Variants in RBFOX3 observed in about 807,000 individuals in gnomAD.
The protein encoded by RBFOX3 is RNA binding fox-1 homolog 3.
Under a neutral mutation model 48.7 loss-of-function variants are expected in RBFOX3, and 17 were observed. That is an observed-to-expected ratio of 0.35 (90% CI 0.24 to 0.52). The LOEUF (loss-of-function observed/expected upper bound fraction) is 0.52. Among genes scored for constraint, RBFOX3 ranks in the 20% least tolerant of loss-of-function variants. The pLI is 0.94. For missense variants in RBFOX3, 382 were observed against 497.5 expected (o/e 0.77, Z 2.21); for synonymous variants, 212 against 209.5 (o/e 1.01, Z -0.10).
chr17:79,463,013 A>G (rs546024005), intron 2 of RBFOX3, among the ~76,000 whole-genome samples: 1 of 144,934 alleles, frequency 6.9e-6, no homozygotes, highest in Non-Finnish European at 1.6e-5. Context: ...CTCCACCACC[A>G]TTGCCACTGA....
At chr17:79,209,550 G>A (rs1350596688) in intron 4 of RBFOX3, among the ~76,000 whole-genome samples, 1 of 152,192 alleles carries the variant, frequency 6.6e-6, no homozygotes, top group African/African-American at 2.4e-5. Context: ...TCTAGGCAGT[G>A]AGCACCTCTG....
At chr17:79,219,336 G>A (rs905600078) in intron 4 of RBFOX3, among the ~76,000 whole-genome samples, 47 of 152,364 alleles carry the variant, frequency 3.1e-4, no homozygotes, top group African/African-American at 1.1e-3. Context: ...CCACTTCTGC[G>A]CAAGCCTAGA....
At chr17:79,521,258 TCACAGACACACG>T (rs1223861324) in intron 1 of RBFOX3, among the ~76,000 whole-genome samples, 13 of 135,690 alleles carry the variant, frequency 9.6e-5, no homozygotes, top group Non-Finnish European at 1.6e-4. Context: ...ACACACACAC[TCACAGACACACG>T]CACAGACACA....
chr17:79,339,565 C>A (rs1447319766), intron 2 of RBFOX3, among the ~76,000 whole-genome samples: 1 of 152,136 alleles, frequency 6.6e-6, no homozygotes, highest in Non-Finnish European at 1.5e-5. Flanking sequence ...ACTGCTGGGC[C>A]CCATTCCCAG....
intron 5 of RBFOX3, among the ~76,000 whole-genome samples, chr17:79,109,789 C>A (rs949058506): frequency 1.1e-4 from 16 of 152,280 alleles, no homozygotes; most frequent in African/African-American, 3.4e-4. Context: ...TGGGAACCAG[C>A]CCCGCGCCCA....
chr17:79,365,721 A>G (rs572872812), intron 2 of RBFOX3, among the ~76,000 whole-genome samples: 1 of 152,368 alleles, frequency 6.6e-6, no homozygotes, highest in East Asian at 1.9e-4. Flanking sequence ...TAGATTAAAT[A>G]GTTTTACCCC....
intron 4 of RBFOX3, among the ~76,000 whole-genome samples, chr17:79,147,998 C>T (rs998230703): frequency 2.0e-5 from 3 of 152,190 alleles, no homozygotes; most frequent in East Asian, 3.9e-4. Context: ...CATCCAGAGC[C>T]GCCGCTGCCG....
At chr17:79,597,363 C>T (rs1411440881) in intron 1 of RBFOX3, among the ~76,000 whole-genome samples, 1 of 152,178 alleles carries the variant, frequency 6.6e-6, no homozygotes, top group African/African-American at 2.4e-5. Flanking sequence ...AGACACAGTC[C>T]TCCTACAGAC....
intron 1 of RBFOX3, among the ~76,000 whole-genome samples, chr17:79,595,252 C>T (rs1023001705): frequency 1.3e-5 from 2 of 152,098 alleles, no homozygotes; most frequent in Non-Finnish European, 2.9e-5. Flanking sequence ...CACGCAGACA[C>T]GCAGCTCCCT....
chr17:79,094,156 G>A (rs1246943387), intron 14 of RBFOX3: 7 of 403,576 alleles, frequency 1.7e-5, no homozygotes, highest in Non-Finnish European at 2.2e-5. Flanking sequence ...GGGCCTCAAC[G>A]GGACTTTATT....
intron 4 of RBFOX3, among the ~76,000 whole-genome samples, chr17:79,217,016 A>G (rs963165954): frequency 1.1e-4 from 17 of 152,168 alleles, no homozygotes; most frequent in African/African-American, 4.1e-4. Flanking sequence ...ATACCCCCAA[A>G]GCAGGCAGGG....
At chr17:79,291,936 C>T (rs537700477) in intron 3 of RBFOX3, among the ~76,000 whole-genome samples, 16 of 152,238 alleles carry the variant, frequency 1.1e-4, no homozygotes, top group South Asian at 4.2e-4. Context: ...AATTTCACAA[C>T]GCCCAAGTCT....
chr17:79,230,480 C>T (rs574650912), intron 4 of RBFOX3, among the ~76,000 whole-genome samples: 3,956 of 151,778 alleles, frequency 0.026, 175 homozygotes, highest in African/African-American at 0.091. Flanking sequence ...AGGCTGGTCT[C>T]GATCTGCTGA....
intron 4 of RBFOX3, among the ~76,000 whole-genome samples, chr17:79,211,643 A>T (rs1299278936): frequency 6.6e-6 from 1 of 152,130 alleles, no homozygotes; most frequent in African/African-American, 2.4e-5. Flanking sequence ...GGCTGGACAG[A>T]CAGGGAGGCA....
intron 4 of RBFOX3, among the ~76,000 whole-genome samples, chr17:79,122,199 C>CGGTT (rs1386801081): frequency 6.6e-6 from 1 of 152,198 alleles, no homozygotes; most frequent in African/African-American, 2.4e-5. Context: ...CGCCCTGAAC[C>CGGTT]GCCCACTGCT....
the RBFOX3 span, among the ~76,000 whole-genome samples, chr17:79,656,268 A>G: frequency 6.6e-6 from 1 of 152,184 alleles, no homozygotes; most frequent in Non-Finnish European, 1.5e-5. Flanking sequence ...TTGTCTCCAA[A>G]GCAGCCATTG....
intron 1 of RBFOX3, among the ~76,000 whole-genome samples, chr17:79,516,523 AG>A: frequency 6.6e-6 from 1 of 152,248 alleles, no homozygotes; most frequent in East Asian, 1.9e-4. Flanking sequence ...GGCCTTAGAA[AG>A]AGCCAGAGCT....
At chr17:79,110,595 C>A (rs2030860981) in intron 5 of RBFOX3, among the ~76,000 whole-genome samples, 1 of 152,224 alleles carries the variant, frequency 6.6e-6, no homozygotes, top group African/African-American at 2.4e-5. Flanking sequence ...GGCACTCAGG[C>A]AAGGACCTGC....
At chr17:79,335,609 G>A (rs1433790138) in intron 2 of RBFOX3, among the ~76,000 whole-genome samples, 5 of 152,104 alleles carry the variant, frequency 3.3e-5, no homozygotes, top group African/African-American at 1.2e-4. Flanking sequence ...ACCCCTTGGC[G>A]CAGAACCCCC....
Sources: allele counts gnomAD v4.1 joint callset (sites outside exome capture counted in the v4.1 genomes callset), GRCh38; gene constraint gnomAD v4.1.1; transcripts MANE v1.5; gene names NCBI Gene and HGNC (gene_info 2026-07-23, HGNC 2026-07-21).